The following SNX21 variants were observed in gnomAD, a reference collection of about 807,000 sequenced individuals.
SNX21 encodes sorting nexin family member 21, also known as sorting nexin-21.
A neutral mutation model predicts 30.9 loss-of-function variants in SNX21; 36 were observed. The ratio of observed to expected loss-of-function variants is 1.16; its 90% CI spans 0.89 to 1.54. The LOEUF (loss-of-function observed/expected upper bound fraction) is 1.54, where lower values mean the gene tolerates loss of function less well. Ranked by LOEUF, SNX21 falls within the 40% of genes most tolerant of loss-of-function variation. The probability of loss-of-function intolerance (pLI) is 0.00; values close to 1 mark genes in which losing one functional copy is unlikely to be tolerated. For synonymous variants in SNX21, 218 were observed against 222.7 expected, an observed-to-expected ratio of 0.98 and a Z score of 0.19; for missense variants, 508 against 516.5, an observed-to-expected ratio of 0.98 and a Z score of 0.16.
intron 3 of SNX21, among the ~76,000 whole-genome samples, chr20:45,839,310 T>G (rs1983809628): frequency 2.0e-5 from 3 of 151,932 alleles, no homozygotes; most frequent in Admixed American, 2.0e-4. Context: ...GGTCAGGAGA[T>G]CGAGACCATC....
At chr20:45,836,201 TA>T (rs1164932162) in intron 3 of SNX21, among the ~76,000 whole-genome samples, 1 of 152,158 alleles carries the variant, frequency 6.6e-6, no homozygotes, top group East Asian at 1.9e-4. Context: ...TTGAGTCTTT[TA>T]AAAAAATTTT....
chr20:45,840,427 C>T (rs1402265315), intron 3 of SNX21: 1 of 1,614,246 alleles, frequency 6.2e-7, no homozygotes, highest in Non-Finnish European at 8.5e-7. Context: ...TTCTTGCTGC[C>T]TTGGGCCTGG....
chr20:45,837,219 G>A (rs1369892941), intron 3 of SNX21, among the ~76,000 whole-genome samples: 2 of 152,158 alleles, frequency 1.3e-5, no homozygotes. Context: ...TGAACATAAA[G>A]GCTTATTATA....
In SNX21 at chr20:45,842,248, G is replaced by C. The variant is rs1984250111; in HGVS notation, c.*935G>C. 2 of 1,438,566 alleles carry C rather than the reference G, an allele frequency of 1.4e-6. No individual in the cohort carries two copies. Among genetic ancestry groups the C allele is most frequent in the Admixed American group, 2.8e-5 (1 of 35,282 alleles). The allele number at this position is 1,438,566 out of a possible 1,614,324, so 89.1% of individuals were successfully genotyped here. ...AATGCCCCTTCATGAGCTTATTATG[G>C]ACCGTCATTGAGGGGTAACTCCTCC... On this transcript the variant is annotated 3_prime_UTR_variant, in exon 4 of 4. Coordinates refer to ENST00000491381, the MANE Select transcript of SNX21 (RefSeq NM_033421.4).
At chr20:45,835,354 C>CT (rs367917208) in intron 3 of SNX21, among the ~76,000 whole-genome samples, 31 of 152,298 alleles carry the variant, frequency 2.0e-4, no homozygotes, top group African/African-American at 7.5e-4. Flanking sequence ...GGTTTTGAGA[C>CT]TAAGAGAACT....
Position 45,843,247 on chromosome 20 carries a change from C to T in SNX21, c.*1934C>T. On this transcript the variant is annotated 3_prime_UTR_variant, in exon 4 of 4. Transcript: ENST00000491381. ...AGGTTCAGATGGAAGATATGATTTG[C>T]CTATTGTAATACAAAGAATCTGAAC... 1.7e-6 allele frequency: 1 copy of T among 591,700 alleles called. No individual in the cohort carries two copies. The allele number at this position is 591,700 out of a possible 1,614,324, so 36.7% of individuals were successfully genotyped here. A position where few individuals can be genotyped will look rare whatever the true frequency, so the allele number is the denominator to read the frequency against.
At chr20:45,840,571 G>C (rs780249651) in intron 3 of SNX21, 68 bp from the exon 4 acceptor site, 1 of 1,613,894 alleles carries the variant, frequency 6.2e-7, no homozygotes, top group Non-Finnish European at 8.5e-7. Flanking sequence ...GTGGGGGATG[G>C]GGAAGGATGG....
chr20:45,840,882 C>T lies in SNX21; in HGVS notation c.691C>T (p.His231Tyr). The T allele has an allele frequency of 1.9e-6, 3 of 1,613,578 alleles. No homozygotes were observed. Among genetic ancestry groups the T allele is most frequent in the Non-Finnish European group, 2.5e-6 (3 of 1,180,028 alleles). The change falls in exon 4 of 4, where the codon CAT becomes TAT. Residue 231 changes from histidine to tyrosine, a missense_variant. Physicochemically the swap from His to Tyr is moderately conservative, Grantham distance 83 (BLOSUM62 2). Coordinates refer to ENST00000491381, the MANE Select transcript of SNX21 (RefSeq NM_033421.4). ...CCTGCAGGCAGTGCCTGAGCTGCGC[C>T]ATGCCCCGGACCTGCAGGACTTCTT... ...GHLQAVPELR[H>Y]APDLQDFFVL...
chr20:45,837,540 C>T (rs1340449133), intron 3 of SNX21, among the ~76,000 whole-genome samples: 1 of 152,168 alleles, frequency 6.6e-6, no homozygotes, highest in Non-Finnish European at 1.5e-5. Flanking sequence ...GTGCCTTTAA[C>T]ATCTAACACT....
In SNX21 at chr20:45,842,440, A is replaced by G; in HGVS notation, c.*1127A>G. 1 of 1,094,556 alleles carries G rather than the reference A, an allele frequency of 9.1e-7. No individual in the cohort carries two copies. Among genetic ancestry groups the G allele is most frequent in the Non-Finnish European group, 1.1e-6 (1 of 898,804 alleles). The allele number at this position is 1,094,556 out of a possible 1,614,324, so 67.8% of individuals were successfully genotyped here. On this transcript the variant is annotated 3_prime_UTR_variant, in exon 4 of 4. Transcript: ENST00000491381. ...GTTAGGAAAACTATCGGCTCCCTGTATAATAAATCAAGCCAGGTCCTCCAA... is the reference window on the plus strand; with the variant it reads ...GTTAGGAAAACTATCGGCTCCCTGTGTAATAAATCAAGCCAGGTCCTCCAA...
rs1270537975 is a variant in SNX21, at chr20:45,833,837, C to G, written c.-83C>G. 7 of 1,246,122 alleles carry G rather than the reference C, an allele frequency of 5.6e-6. No homozygotes were observed. The highest frequency in any genetic ancestry group is 6.1e-6 in the Non-Finnish European group (6 of 984,496). The allele number at this position is 1,246,122 out of a possible 1,614,324, so 77.2% of individuals were successfully genotyped here. On this transcript the variant is annotated 5_prime_UTR_variant, in exon 1 of 4. Coordinates refer to ENST00000491381, the MANE Select transcript of SNX21 (RefSeq NM_033421.4). ...AGCGGCGCTCTGAGCGGCCTGAGCC[C>G]GGCGGAGCCCTGCAGAACCCGGCCG...
At position 45,843,154 on chromosome 20, in the gene SNX21, G is replaced by A. The variant is rs1984376853; in HGVS notation, c.*1841G>A. On this transcript the variant is annotated 3_prime_UTR_variant, in exon 4 of 4. Transcript: ENST00000491381. ...TTTGAAAAGGCATCCCCAAATGGCA[G>A]TCTGATGGACTGCGGGTTTGGATAC... The A allele has an allele frequency of 4.3e-6, 3 of 694,506 alleles. No homozygotes were observed. The highest frequency in any genetic ancestry group is 6.1e-6 in the Non-Finnish European group (3 of 490,028). The allele number at this position is 694,506 out of a possible 1,614,324, so 43.0% of individuals were successfully genotyped here. A position where few individuals can be genotyped will look rare whatever the true frequency, so the allele number is the denominator to read the frequency against.
chr20:45,833,891 C>A lies in SNX21; in HGVS notation c.-29C>A. Reference sequence around the variant, plus strand: ...TCCATGGGCTGCGGGGGGCTGCACCCGGACCCCTGGGGCGCGGCGCGCCCC... The same window carrying A: ...TCCATGGGCTGCGGGGGGCTGCACCAGGACCCCTGGGGCGCGGCGCGCCCC... On this transcript the variant is annotated 5_prime_UTR_variant, in exon 1 of 4. Transcript: ENST00000491381. 7.3e-7 allele frequency: 1 copy of A among 1,365,088 alleles called. No individual in the cohort carries two copies. Among genetic ancestry groups the A allele is most frequent in the South Asian group, 1.9e-5 (1 of 53,980 alleles). 84.6% of individuals were successfully genotyped at this position (1,365,088 alleles called of 1,614,324 possible).
chr20:45,834,536 A>G, intron 2 of SNX21, 68 bp downstream of exon 2: 1 of 1,490,352 alleles, frequency 6.7e-7, no homozygotes, highest in Non-Finnish European at 8.9e-7. Context: ...CCGCGTTCCC[A>G]GAGCATCCAG....
chr20:45,834,195 C>A lies in SNX21; in HGVS notation c.22-6C>A. 6.6e-7 allele frequency: 1 copy of A among 1,508,642 alleles called. No individual in the cohort carries two copies. Among genetic ancestry groups the A allele is most frequent in the South Asian group, 1.3e-5 (1 of 76,248 alleles). 93.5% of individuals were successfully genotyped at this position (1,508,642 alleles called of 1,614,324 possible). The stretch of plus-strand genomic sequence containing the variant: ...TCCGGTACACAGCGTCGCGCGCTCC[C>A]CCCAGGGTGCCATGGCCTCCCGGCT... On this transcript the variant is annotated splice_polypyrimidine_tract_variant and splice_region_variant and intron_variant, in intron 1 of 3. Transcript: ENST00000491381.
At position 45,843,068 on chromosome 20, in the gene SNX21, T is replaced by G. The variant is rs1254904038; in HGVS notation, c.*1755T>G. ...TCACTTAGAGAACTTAAAAATACAG[T>G]TTCCTGGACCTTATCCAAGACCTAC... On this transcript the variant is annotated 3_prime_UTR_variant, in exon 4 of 4. Coordinates refer to ENST00000491381, the MANE Select transcript of SNX21 (RefSeq NM_033421.4). The G allele has an allele frequency of 5.2e-6, 6 of 1,143,884 alleles. No homozygotes were observed. Among genetic ancestry groups the G allele is most frequent in the African/African-American group, 4.9e-5 (3 of 61,736 alleles). 70.9% of individuals were successfully genotyped at this position (1,143,884 alleles called of 1,614,324 possible). A position where few individuals can be genotyped will look rare whatever the true frequency, so the allele number is the denominator to read the frequency against.
rs1426843136 is a variant in SNX21, at chr20:45,840,935, G to C, written c.744G>C (p.Gln248His). ...TGCTGCCGGAGCTGCGGCGGGCACA[G>C]AGCCTCACCTGTACTGGCCTCTATC... The part of the protein sequence containing the change: ...FFVLPELRRA[Q>H]SLTCTGLYRE... Residue 248 changes from glutamine to histidine, a missense_variant, in exon 4 of 4, where the codon CAG becomes CAC. Physicochemically the swap from Gln to His is conservative, Grantham distance 24. Coordinates refer to ENST00000491381, the MANE Select transcript of SNX21 (RefSeq NM_033421.4). 6.2e-7 allele frequency: 1 copy of C among 1,611,752 alleles called. No homozygotes were observed. The highest frequency in any genetic ancestry group is 8.5e-7 in the Non-Finnish European group (1 of 1,179,328).
chr20:45,838,109 G>A (rs1250522193), intron 3 of SNX21, among the ~76,000 whole-genome samples: 1 of 151,548 alleles, frequency 6.6e-6, no homozygotes, highest in Non-Finnish European at 1.5e-5. Context: ...TCGAGACGGA[G>A]TCTTGCTCTG....
chr20:45,835,204 A>G lies in SNX21; in HGVS notation c.447+88A>G, dbSNP rs959578990. 36 of 1,392,966 alleles carry G rather than the reference A, an allele frequency of 2.6e-5. No homozygotes were observed. The South Asian group carries it at 5.0e-4, about 19-fold the overall frequency. The allele number at this position is 1,392,966 out of a possible 1,614,324, so 86.3% of individuals were successfully genotyped here. ...AAGACCCCAACTTCCTGAGGGGTCT[A>G]TGTAGTTATAAATGGTTACCTTGTT... On this transcript the variant is annotated intron_variant, in intron 3 of 3. Transcript: ENST00000491381.
Sources: gnomAD v4.1 joint callset for allele counts (sites outside exome capture counted in the v4.1 genomes callset) on GRCh38, gnomAD v4.1.1 for gene constraint, MANE v1.5 for transcripts, NCBI Gene and HGNC (gene_info 2026-07-23, HGNC 2026-07-21) for gene names.